MAN1A2: variants seen among roughly 807,000 people sequenced by gnomAD.
MAN1A2 encodes mannosyl-oligosaccharide 1,2-alpha-mannosidase IB.
Under a neutral mutation model 75.7 loss-of-function variants are expected in MAN1A2, and 26 were observed. The observed-to-expected ratio is 0.34, with a 90% CI of 0.25 to 0.48. The LOEUF (loss-of-function observed/expected upper bound fraction) is 0.48, where lower values mean the gene tolerates loss of function less well. Ranked by LOEUF, MAN1A2 falls within the 20% of genes least tolerant of loss-of-function variation. The pLI is 0.99. For synonymous variants in MAN1A2, 247 were observed against 264.6 expected (o/e 0.93, Z 0.65); for missense variants, 562 against 775.5 (o/e 0.72, Z 3.27).
chr1:117,433,350 A>G (rs1162539217), intron 5 of MAN1A2, among the ~76,000 whole-genome samples: 3 of 152,182 alleles, frequency 2.0e-5, no homozygotes. Flanking sequence ...TAAGCATTTC[A>G]CATAAGAGCT....
intron 8 of MAN1A2, among the ~76,000 whole-genome samples, chr1:117,467,503 A>G (rs1263757276): frequency 6.6e-6 from 1 of 152,144 alleles, no homozygotes; most frequent in African/African-American, 2.4e-5. Context: ...ATCTGGGAAT[A>G]GATCTCAATC....
intron 6 of MAN1A2, among the ~76,000 whole-genome samples, chr1:117,453,970 C>T (rs1241257316): frequency 6.6e-6 from 1 of 152,262 alleles, no homozygotes; most frequent in Admixed American, 6.5e-5. Context: ...GCAAGACCCT[C>T]CACCATCAAA....
chr1:117,425,461 A>G (rs1308985965), intron 5 of MAN1A2, among the ~76,000 whole-genome samples: 4 of 152,218 alleles, frequency 2.6e-5, no homozygotes, highest in Non-Finnish European at 5.9e-5. Flanking sequence ...ACAATGTATC[A>G]CAAAATCAAA....
chr1:117,421,551 T>C (rs1401265515), intron 5 of MAN1A2, among the ~76,000 whole-genome samples: 1 of 151,962 alleles, frequency 6.6e-6, no homozygotes, highest in East Asian at 1.9e-4. Context: ...TTTTTATGAC[T>C]TTATATACTT....
chr1:117,469,831 C>T (rs981482889), intron 8 of MAN1A2, among the ~76,000 whole-genome samples: 2 of 152,036 alleles, frequency 1.3e-5, no homozygotes, highest in African/African-American at 4.8e-5. Context: ...TAAGCATTGG[C>T]AAGGATGTGG....
chr1:117,496,127 C>CTTT (rs3835643), intron 9 of MAN1A2, among the ~76,000 whole-genome samples: 20 of 151,664 alleles, frequency 1.3e-4, no homozygotes, highest in Admixed American at 2.6e-4. Flanking sequence ...TAAAAATACT[C>CTTT]TTTTTTCAGA....
intron 4 of MAN1A2, among the ~76,000 whole-genome samples, chr1:117,415,480 A>G (rs1647962533): frequency 6.6e-6 from 1 of 152,112 alleles, no homozygotes; most frequent in Admixed American, 6.6e-5. Flanking sequence ...ATATAAGTCC[A>G]TAATTATTTC....
At position 117,402,287 on chromosome 1, in the gene MAN1A2, C is replaced by T. The variant is rs770380364; in HGVS notation, c.404C>T (p.Ala135Val). 26 of 1,613,494 alleles carry T rather than the reference C, an allele frequency of 1.6e-5. No homozygotes were observed. Among genetic ancestry groups the T allele is most frequent in the Non-Finnish European group, 7.6e-6 (9 of 1,179,780 alleles). ...KLRKSREEIR[A>V]EIQTEKNKVV... ...AGAAAGTCAAGAGAGGAAATTCGAG[C>T]AGAAATTCAGACAGAGAAAAATAAG... Residue 135 changes from alanine (A) to valine (V), a missense_variant, in exon 2 of 13, where the codon GCA becomes GTA. By Grantham distance (64) the Ala-to-Val change is moderately conservative. This residue lies in a region of MAN1A2 where 434 missense variants were observed against 645.7 expected (regional missense o/e 0.67). Transcript: ENST00000356554.
At chr1:117,405,463 A>G (rs768490481) in intron 2 of MAN1A2, 86 bp from the exon 3 acceptor site, 2 of 778,344 alleles carry the variant, frequency 2.6e-6, no homozygotes, top group Middle Eastern at 3.2e-4. Context: ...GGGCAAGGAT[A>G]TAGTAATAGA....
chr1:117,501,512 C>G (rs1651200745), intron 11 of MAN1A2, among the ~76,000 whole-genome samples: 1 of 151,744 alleles, frequency 6.6e-6, no homozygotes, highest in Non-Finnish European at 1.5e-5. Context: ...CAAACTTGCC[C>G]TCATGACTTT....
intron 1 of MAN1A2, among the ~76,000 whole-genome samples, chr1:117,389,959 T>C (rs942571927): frequency 1.3e-5 from 2 of 152,196 alleles, no homozygotes; most frequent in Non-Finnish European, 2.9e-5. Context: ...CTCTTGATGA[T>C]CATGAGGTCA....
chr1:117,483,939 T>G (rs1484064745), intron 8 of MAN1A2, among the ~76,000 whole-genome samples: 1 of 151,770 alleles, frequency 6.6e-6, no homozygotes, highest in East Asian at 1.9e-4. Context: ...TGGTATGTGT[T>G]TCAGGTATGG....
chr1:117,486,166 G>A (rs570029813), intron 8 of MAN1A2, among the ~76,000 whole-genome samples: 41 of 151,928 alleles, frequency 2.7e-4, no homozygotes, highest in African/African-American at 8.2e-4. Flanking sequence ...ATGACAATAC[G>A]GTTACATTTA....
chr1:117,493,277 A>C lies in MAN1A2; in HGVS notation c.1284+15A>C, dbSNP rs1409940093. ...ATGCTATTGAGGTGATTATTTCCAG[A>C]ACATTTTTCTACTTAATGGATTGAA... On this transcript the variant is annotated intron_variant, in intron 9 of 12. Transcript: ENST00000356554. The C allele has an allele frequency of 6.6e-7, 1 of 1,504,010 alleles. No individual in the cohort carries two copies. Among genetic ancestry groups the C allele is most frequent in the Non-Finnish European group, 9.3e-7 (1 of 1,080,920 alleles). 93.2% of individuals were successfully genotyped at this position (1,504,010 alleles called of 1,614,324 possible).
At chr1:117,430,223 T>C (rs1648577045) in intron 5 of MAN1A2, among the ~76,000 whole-genome samples, 2 of 106,808 alleles carry the variant, frequency 1.9e-5, no homozygotes, top group African/African-American at 3.9e-5. Flanking sequence ...CCCCCCCACC[T>C]CCCTCCCGGA....
chr1:117,475,538 C>T (rs1264709443), intron 8 of MAN1A2, among the ~76,000 whole-genome samples: 12 of 151,898 alleles, frequency 7.9e-5, no homozygotes, highest in South Asian at 4.2e-4. Context: ...CGACAGGCCC[C>T]GGTGTGTGAT....
rs1017982505 is a variant in MAN1A2, at chr1:117,527,277, A to G, written c.*4320A>G. The G allele has an allele frequency of 5.9e-5, 9 of 151,846 alleles. No homozygotes were observed. The highest frequency in any genetic ancestry group is 2.2e-4 in the African/African-American group (9 of 41,396). 9.4% of individuals were successfully genotyped at this position (151,846 alleles called of 1,614,324 possible). The stretch of plus-strand genomic sequence containing the variant: ...AGTATCGAAAACAGATAGAGATACT[A>G]TGTAAAGAATGGGCGTAGCTATGTT... On this transcript the variant is annotated 3_prime_UTR_variant, in exon 13 of 13. Coordinates refer to ENST00000356554, the MANE Select transcript of MAN1A2 (RefSeq NM_006699.5).
At chr1:117,483,171 G>A (rs1272783496) in intron 8 of MAN1A2, among the ~76,000 whole-genome samples, 1 of 152,076 alleles carries the variant, frequency 6.6e-6, no homozygotes, top group Non-Finnish European at 1.5e-5. Context: ...GTCAGGTAGC[G>A]TGATGTCTCC....
intron 6 of MAN1A2, among the ~76,000 whole-genome samples, chr1:117,449,330 A>G (rs1311230799): frequency 6.6e-6 from 1 of 152,114 alleles, no homozygotes; most frequent in East Asian, 1.9e-4. Context: ...AGGCTGAGGC[A>G]TGCAGATTGC....
Sources: gnomAD v4.1 joint callset for allele counts (sites outside exome capture counted in the v4.1 genomes callset) on GRCh38, gnomAD v4.1.1 for gene constraint, gnomAD v4.1.1 regional missense constraint, MANE v1.5 for transcripts, NCBI Gene and HGNC (gene_info 2026-07-23, HGNC 2026-07-21) for gene names.